Variants in UBXN4 observed in about 807,000 individuals in gnomAD.
The protein encoded by UBXN4 is UBX domain-containing protein 4.
A neutral mutation model predicts 66.2 loss-of-function variants in UBXN4; 35 were observed. That is an observed-to-expected ratio of 0.53 (90% CI 0.40 to 0.70). UBXN4 has a LOEUF of 0.70. UBXN4 is among the 30% of genes least tolerant of loss of function. The pLI, the probability that UBXN4 is intolerant of heterozygous loss-of-function variation, is 0.00. For synonymous variants in UBXN4, 203 were observed against 204.5 expected, an observed-to-expected ratio of 0.99 and a Z score of 0.06; for missense variants, 533 against 599.8, an observed-to-expected ratio of 0.89 and a Z score of 1.16.
chr2:135,775,477 T>TA (rs1427755140), intron 9 of UBXN4, among the ~76,000 whole-genome samples: 1 of 152,206 alleles, frequency 6.6e-6, no homozygotes, highest in African/African-American at 2.4e-5. Context: ...TAAGAACTGA[T>TA]ACCTGCAACA....
chr2:135,779,149 A>T, intron 11 of UBXN4, 70 bp downstream of exon 11: 1 of 1,452,498 alleles, frequency 6.9e-7, no homozygotes, highest in East Asian at 2.4e-5. Context: ...CATTTCTTAT[A>T]ATTAGGGGAA....
intron 2 of UBXN4, among the ~76,000 whole-genome samples, chr2:135,750,098 A>G (rs1350278731): frequency 6.6e-6 from 1 of 152,106 alleles, no homozygotes; most frequent in African/African-American, 2.4e-5. Flanking sequence ...TTCTCTCTTT[A>G]TGATGTTAGC....
intron 4 of UBXN4, among the ~76,000 whole-genome samples, chr2:135,755,199 A>G (rs945402841): frequency 2.0e-5 from 3 of 151,876 alleles, no homozygotes; most frequent in African/African-American, 7.3e-5. Context: ...TAAGGACGTT[A>G]TACTCAATAA....
chr2:135,753,983 A>C, intron 3 of UBXN4, 176 bp from the exon 4 acceptor site: 1 of 547,226 alleles, frequency 1.8e-6, no homozygotes, highest in South Asian at 2.6e-5. Context: ...ATAAATTAAC[A>C]TGTCACATGT....
At chr2:135,758,503 T>A (rs1382139345) in intron 5 of UBXN4, among the ~76,000 whole-genome samples, 1 of 152,148 alleles carries the variant, frequency 6.6e-6, no homozygotes, top group Non-Finnish European at 1.5e-5. Context: ...CATGAGTCAT[T>A]GGATCCAGGC....
At position 135,748,420 on chromosome 2, in the gene UBXN4, C is replaced by G. The variant is rs3820793; in HGVS notation, c.185+51C>G. The G allele has an allele frequency of 1.3e-4, 172 of 1,350,814 alleles. 1 individual carries two copies. In the East Asian group the frequency reaches 4.4e-3, roughly 35 times the overall value. The allele number at this position is 1,350,814 out of a possible 1,614,324, so 83.7% of individuals were successfully genotyped here. ...TAATTTTAAAATTTATAAGTATTGT[C>G]TTTGATTTATAGTGATACTCTTGGA... On this transcript the variant is annotated intron_variant, in intron 2 of 12. Coordinates refer to ENST00000272638, the MANE Select transcript of UBXN4 (RefSeq NM_014607.4).
chr2:135,753,722 T>A (rs74265493), intron 3 of UBXN4, 155 bp downstream of exon 3: 1 of 549,184 alleles, frequency 1.8e-6, no homozygotes, highest in South Asian at 5.1e-5. Context: ...TTAAAAAAAA[T>A]GTTATTATAG....
intron 6 of UBXN4, among the ~76,000 whole-genome samples, chr2:135,763,008 A>G (rs564571852): frequency 6.6e-6 from 1 of 152,168 alleles, no homozygotes; most frequent in Non-Finnish European, 1.5e-5. Flanking sequence ...AAAGTTTTTA[A>G]TAGCCTCCAT....
chr2:135,742,184 C>A (rs561653028), intron 1 of UBXN4, among the ~76,000 whole-genome samples, 173 bp downstream of exon 1: 1 of 152,178 alleles, frequency 6.6e-6, no homozygotes, highest in Non-Finnish European at 1.5e-5. Flanking sequence ...GCCGCCAGAT[C>A]CCCCAGAGGG....
At chr2:135,746,570 A>T (rs543035650) in intron 1 of UBXN4, among the ~76,000 whole-genome samples, 1 of 152,206 alleles carries the variant, frequency 6.6e-6, no homozygotes, top group Non-Finnish European at 1.5e-5. Context: ...AAAGTGGGTG[A>T]TTAAGTATCA....
intron 4 of UBXN4, 108 bp downstream of exon 4, chr2:135,754,385 G>C (rs1456962976): frequency 1.2e-5 from 10 of 804,246 alleles, no homozygotes; most frequent in Non-Finnish European, 2.0e-5. Flanking sequence ...GCAGTGGTGT[G>C]ATCTCAGCTC....
chr2:135,772,582 A>G (rs1165706138), intron 9 of UBXN4, 35 bp downstream of exon 9: 2 of 1,610,328 alleles, frequency 1.2e-6, no homozygotes, highest in Non-Finnish European at 1.7e-6. Context: ...CTCTGTGCAC[A>G]TAGGGGCTGA....
chr2:135,754,125 C>T, intron 3 of UBXN4, 34 bp from the exon 4 acceptor site: 1 of 1,466,160 alleles, frequency 6.8e-7, no homozygotes, highest in Non-Finnish European at 9.4e-7. Context: ...CCTTTCGTTT[C>T]ACATGAATTG....
Position 135,776,134 on chromosome 2 carries a change from T to C in UBXN4, c.951-115T>C, listed in dbSNP as rs543519229. On this transcript the variant is annotated intron_variant, in intron 9 of 12. Coordinates refer to ENST00000272638, the MANE Select transcript of UBXN4 (RefSeq NM_014607.4). ...TATTAACAAACAAAAAGATCTGATA[T>C]GGTAGAAAAAACTATTGTCATTGCA... is the stretch of plus-strand genomic sequence containing the variant. 1.3e-4 allele frequency: 103 copies of C among 768,676 alleles called. No homozygotes were observed. In the African/African-American group the frequency reaches 1.8e-3, roughly 13 times the overall value. 47.6% of individuals were successfully genotyped at this position (768,676 alleles called of 1,614,324 possible). A position where few individuals can be genotyped will look rare whatever the true frequency, so the allele number is the denominator to read the frequency against.
chr2:135,747,005 G>A (rs2077210892), intron 1 of UBXN4, among the ~76,000 whole-genome samples: 1 of 152,150 alleles, frequency 6.6e-6, no homozygotes, highest in Admixed American at 6.5e-5. Context: ...AGTAGTGGAA[G>A]TGGTAAGAAA....
In UBXN4 at chr2:135,755,699, T is replaced by C. The variant is rs1210351179; in HGVS notation, c.508+8T>C. ...AGTCAGATACTGCAACAGGTAACTT[T>C]TAATGTACCTTTTTGAGTGCAATAG... On this transcript the variant is annotated splice_region_variant and intron_variant, in intron 5 of 12. Transcript: ENST00000272638. 2 of 1,486,238 alleles carry C rather than the reference T, an allele frequency of 1.3e-6. No homozygotes were observed. The highest frequency in any genetic ancestry group is 1.8e-6 in the Non-Finnish European group (2 of 1,113,358). 92.1% of individuals were successfully genotyped at this position (1,486,238 alleles called of 1,614,324 possible).
At chr2:135,747,280 A>G (rs1188604023) in intron 1 of UBXN4, among the ~76,000 whole-genome samples, 2 of 149,138 alleles carry the variant, frequency 1.3e-5, no homozygotes, top group African/African-American at 5.0e-5. Flanking sequence ...CCCGGGAGGC[A>G]GAGATTGCAA....
chr2:135,769,857 C>G, intron 7 of UBXN4, 34 bp downstream of exon 7: 1 of 1,544,024 alleles, frequency 6.5e-7, no homozygotes, highest in Non-Finnish European at 8.7e-7. Context: ...GTTTTGTCCT[C>G]TCATTAACTG....
Position 135,754,162 on chromosome 2 carries a change from C to T in UBXN4, c.218C>T (p.Pro73Leu). The change falls in exon 4 of 13, where the codon CCT becomes CTT. Residue 73 changes from proline to leucine, a missense_variant. Coordinates refer to ENST00000272638, the MANE Select transcript of UBXN4 (RefSeq NM_014607.4). The part of the protein sequence containing the change: ...EACLQFSQIY[P>L]VVCVPSSFFI... ...TAGACTTCATTAAACTGTACAGATC[C>T]TGTAGTGTGTGTTCCATCCAGTTTC... The T allele has an allele frequency of 6.2e-7, 1 of 1,609,458 alleles. No homozygotes were observed. The highest frequency in any genetic ancestry group is 8.5e-7 in the Non-Finnish European group (1 of 1,175,854).
Sources: allele counts gnomAD v4.1 joint callset (sites outside exome capture counted in the v4.1 genomes callset), GRCh38; gene constraint gnomAD v4.1.1; transcripts MANE v1.5; gene names NCBI Gene and HGNC (gene_info 2026-07-23, HGNC 2026-07-21).